The following RIPOR1 variants were observed in gnomAD, a reference collection of about 807,000 sequenced individuals.
The protein encoded by RIPOR1 is rho family-interacting cell polarization regulator 1.
RIPOR1 carries 58 observed loss-of-function variants against 116.5 expected under a neutral mutation model. That is an observed-to-expected ratio of 0.50 (90% CI 0.40 to 0.62). The LOEUF is 0.62. Ranked by LOEUF, RIPOR1 falls within the 20% of genes least tolerant of loss-of-function variation. RIPOR1 has a pLI of 0.00. For missense variants in RIPOR1, 1,372 were observed against 1,586.2 expected (o/e 0.86, Z 2.29); for synonymous variants, 605 against 650.0 (o/e 0.93, Z 1.05).
Position 67,529,525 on chromosome 16 carries a change from C to G in RIPOR1, c.-24+611C>G, listed in dbSNP as rs1048179605. On this transcript the variant is annotated intron_variant, in intron 1 of 21. Transcript: ENST00000042381. This position sits in a 1 kb window ranked among gnomAD's most constrained non-coding sequence, Gnocchi z 4.1. ...GGAAATGGAGGTTGGCGCAAGGTTC[C>G]TGCAACAGCCGGGCCTGGGCTCTCT... is the stretch of plus-strand genomic sequence containing the variant. 2 of 433,742 alleles carry G rather than the reference C, an allele frequency of 4.6e-6. No homozygotes were observed. Among genetic ancestry groups the G allele is most frequent in the Non-Finnish European group, 8.2e-6 (2 of 243,000 alleles). 26.9% of individuals were successfully genotyped at this position (433,742 alleles called of 1,614,324 possible). A position where few individuals can be genotyped will look rare whatever the true frequency, so the allele number is the denominator to read the frequency against.
chr16:67,545,159 C>T lies in RIPOR1; in HGVS notation c.3031+42C>T. 4 of 1,600,624 alleles carry T rather than the reference C, an allele frequency of 2.5e-6. No homozygotes were observed. The highest frequency in any genetic ancestry group is 3.4e-6 in the Non-Finnish European group (4 of 1,174,420). On this transcript the variant is annotated intron_variant, in intron 17 of 21. Transcript: ENST00000042381. This position sits in a 1 kb window ranked among gnomAD's most constrained non-coding sequence, Gnocchi z 4.8. The stretch of plus-strand genomic sequence containing the variant: ...CTCCTTCCACCCTTGCTCAGATTCC[C>T]AGTGACAGGAAGCTCGGGGAAGCCA...
At chr16:67,528,293 A>T (rs1567560093), upstream of RIPOR1, 1 of 152,256 alleles carries the variant, frequency 6.6e-6, no homozygotes, top group East Asian at 1.9e-4. Context: ...GGAATGCATG[A>T]CCCGGCTATG....
rs371441956 is a variant in RIPOR1 at position 67,539,077 on chromosome 16, C to T, written c.336+9C>T. 7 of 1,610,392 alleles carry T rather than the reference C, an allele frequency of 4.3e-6. No homozygotes were observed. Among genetic ancestry groups the T allele is most frequent in the Non-Finnish European group, 5.9e-6 (7 of 1,178,742 alleles). On this transcript the variant is annotated intron_variant, in intron 4 of 21. Transcript: ENST00000042381. Reference sequence around the variant, plus strand: ...AGAGGAATTCCCGCTTGGTGAGTGGCGGGAGGTACGGATGCCCTTTGCCTC... The same window carrying T: ...AGAGGAATTCCCGCTTGGTGAGTGGTGGGAGGTACGGATGCCCTTTGCCTC...
Position 67,539,881 on chromosome 16 carries a change from G to T in RIPOR1, c.396G>T (p.Leu132=), listed in dbSNP as rs1342473736. Reference sequence around the variant, plus strand: ...CCATTGAACGCTTCCTGCGACGACTGGAGTTCCATGCCAGCAAGGTACGAG... The same window carrying T: ...CCATTGAACGCTTCCTGCGACGACTTGAGTTCCATGCCAGCAAGGTACGAG... The part of the protein sequence containing the change: ...VKSIERFLRR[L]EFHASKIDEL... The change falls in exon 6 of 22, where the codon CTG becomes CTT. Residue 132 remains leucine (L), a synonymous_variant. Coordinates refer to ENST00000042381, the MANE Select transcript of RIPOR1 (RefSeq NM_024519.4). The T allele has an allele frequency of 4.3e-6, 7 of 1,614,074 alleles. No individual in the cohort carries two copies. The highest frequency in any genetic ancestry group is 4.2e-6 in the Non-Finnish European group (5 of 1,180,034).
At chr16:67,535,637 T>A (rs145456433) in intron 1 of RIPOR1, among the ~76,000 whole-genome samples, 1 of 152,258 alleles carries the variant, frequency 6.6e-6, no homozygotes, top group African/African-American at 2.4e-5. Context: ...AGGTTGCCAC[T>A]CAGTGAATAG....
At chr16:67,539,293 G>T in intron 4 of RIPOR1, 2 of 553,536 alleles carry the variant, frequency 3.6e-6, no homozygotes, top group Non-Finnish European at 3.2e-6. Context: ...AGTGGGGTAG[G>T]TGGGACCCCT....
Position 67,540,075 on chromosome 16 carries a change from A to G in RIPOR1, c.437A>G (p.Tyr146Cys). The G allele has an allele frequency of 6.2e-7, 1 of 1,614,136 alleles. No individual in the cohort carries two copies. Among genetic ancestry groups the G allele is most frequent in the Non-Finnish European group, 8.5e-7 (1 of 1,180,014 alleles). ...CAGATCGATGAGCTGTATGAGGCAT[A>G]CTGTGTCCAGCGGCGTCTCCGGGAT... ...ASKIDELYEAYCVQRRLRDGA... is the reference protein window; with the variant it reads ...ASKIDELYEACCVQRRLRDGA... The change falls in exon 7 of 22, where the codon TAC becomes TGC. Residue 146 changes from tyrosine to cysteine, a missense_variant. Physicochemically the swap from Tyr to Cys is radical, Grantham distance 194 (BLOSUM62 -2). Transcript: ENST00000042381. This position sits in a 1 kb window ranked among gnomAD's most constrained non-coding sequence, Gnocchi z 4.7.
Position 67,541,264 on chromosome 16 carries a change from C to A in RIPOR1, c.802-166C>A, listed in dbSNP as rs879063493. On this transcript the variant is annotated intron_variant, in intron 10 of 21. Transcript: ENST00000042381. The surrounding 1 kb of genome is among the most constrained non-coding windows in gnomAD (Gnocchi z 4.6). ...TTTTTTTTTTTTTTTGAGACAGAGT[C>A]TTGCCATGTTGCCCAAGCTGGTCTT... is the stretch of plus-strand genomic sequence containing the variant. 9.0e-6 allele frequency: 5 copies of A among 555,126 alleles called. No homozygotes were observed. The highest frequency in any genetic ancestry group is 9.2e-6 in the Non-Finnish European group (3 of 326,090). The allele number at this position is 555,126 out of a possible 1,614,324, so 34.4% of individuals were successfully genotyped here. A position where few individuals can be genotyped will look rare whatever the true frequency, so the allele number is the denominator to read the frequency against.
rs1292563820 is a variant in RIPOR1, at chr16:67,530,970, C to CGGT, written c.-24+2057_-24+2059dup. On this transcript the variant is annotated intron_variant, in intron 1 of 21. Transcript: ENST00000042381. The surrounding 1 kb of genome is among the most constrained non-coding windows in gnomAD (Gnocchi z 4.5). ...AATCTTGCCCGCCCATCTCCCGAAG[C>CGGT]GGTCACTCAGATGGACATTATGATG... Among the ~76,000 whole-genome samples the CGGT allele has an allele frequency of 6.6e-6, 1 of 152,156 alleles. No homozygotes were observed. The highest frequency in any genetic ancestry group is 1.5e-5 in the Non-Finnish European group (1 of 68,022).
chr16:67,545,424 G>A lies in RIPOR1; in HGVS notation c.3080G>A (p.Arg1027Lys), dbSNP rs753854878. The A allele has an allele frequency of 1.9e-6, 3 of 1,614,008 alleles. No homozygotes were observed. The highest frequency in any genetic ancestry group is 1.7e-5 in the Admixed American group (1 of 60,026). ...EDALGQKLPR[R>K]PQPGPGEQLT... ...GCCCTGGGGCAGAAGCTGCCCAGAA[G>A]GCCCCAGCCAGGGCCTGGAGAGCAG... is the stretch of plus-strand genomic sequence containing the variant. The change falls in exon 18 of 22, where the codon AGG becomes AAG. Residue 1027 changes from arginine to lysine, a missense_variant. Arg to Lys is a conservative substitution (Grantham distance 26). Transcript: ENST00000042381. This position sits in a 1 kb window ranked among gnomAD's most constrained non-coding sequence, Gnocchi z 4.8.
chr16:67,530,971 G>A lies in RIPOR1; in HGVS notation c.-24+2057G>A, dbSNP rs539792168. ...ATCTTGCCCGCCCATCTCCCGAAGCGGTCACTCAGATGGACATTATGATGG... is the reference window on the plus strand; with the variant it reads ...ATCTTGCCCGCCCATCTCCCGAAGCAGTCACTCAGATGGACATTATGATGG... On this transcript the variant is annotated intron_variant, in intron 1 of 21. Coordinates refer to ENST00000042381, the MANE Select transcript of RIPOR1 (RefSeq NM_024519.4). This position sits in a 1 kb window ranked among gnomAD's most constrained non-coding sequence, Gnocchi z 4.5. 2.0e-4 allele frequency among the ~76,000 whole-genome samples: 31 copies of A among 152,222 alleles called. No individual in the cohort carries two copies. The highest frequency in any genetic ancestry group is 6.5e-4 in the African/African-American group (27 of 41,526).
At chr16:67,522,492 G>A (rs898809784) in intron 1 of RIPOR1, among the ~76,000 whole-genome samples, 6 of 151,492 alleles carry the variant, frequency 4.0e-5, no homozygotes, top group Admixed American at 2.6e-4. Context: ...GTGAGCCACC[G>A]CGCCTGGCCA....
chr16:67,519,785 A>C (rs971528152), intron 1 of RIPOR1, among the ~76,000 whole-genome samples: 2 of 152,094 alleles, frequency 1.3e-5, no homozygotes, highest in Non-Finnish European at 2.9e-5. Flanking sequence ...GGCTCTGGCC[A>C]GTGCGGTGGC....
At chr16:67,539,370 C>T (rs2142525749) in intron 4 of RIPOR1, 1 of 520,292 alleles carries the variant, frequency 1.9e-6, no homozygotes, top group East Asian at 3.4e-5. Flanking sequence ...CATGGTGCTT[C>T]TTGGGAAGAG....
At chr16:67,526,805 C>T (rs2050543246), upstream of RIPOR1, among the ~76,000 whole-genome samples, 1 of 152,166 alleles carries the variant, frequency 6.6e-6, no homozygotes, top group African/African-American at 2.4e-5. Context: ...TCAGAAGATG[C>T]CTGGCTGAGA....
rs2051137579 is a variant in RIPOR1, at chr16:67,545,603, AC to A, written c.3191-59del. On this transcript the variant is annotated intron_variant, in intron 18 of 21. Transcript: ENST00000042381. The surrounding 1 kb of genome is among the most constrained non-coding windows in gnomAD (Gnocchi z 4.8). ...AGGACATGAGGACAAGCCCTCCCCA[AC>A]CTCGGGGGCTCCTCACCCTGCCACC... The A allele has an allele frequency of 1.3e-6, 2 of 1,586,220 alleles. No homozygotes were observed. Among genetic ancestry groups the A allele is most frequent in the Non-Finnish European group, 1.7e-6 (2 of 1,162,824 alleles).
chr16:67,530,718 G>T lies in RIPOR1; in HGVS notation c.-24+1804G>T, dbSNP rs2050640231. Among the ~76,000 whole-genome samples, 1 of 152,166 alleles carries T rather than the reference G, an allele frequency of 6.6e-6. No individual in the cohort carries two copies. The highest frequency in any genetic ancestry group is 2.4e-5 in the African/African-American group (1 of 41,438). On this transcript the variant is annotated intron_variant, in intron 1 of 21. Transcript: ENST00000042381. The surrounding 1 kb of genome is among the most constrained non-coding windows in gnomAD (Gnocchi z 4.5). ...GATCTGGGGCCATGCGGACAGGTCAGGGCTCCTCCACTCACGGCCATCCTG... is the reference window on the plus strand; with the variant it reads ...GATCTGGGGCCATGCGGACAGGTCATGGCTCCTCCACTCACGGCCATCCTG...
intron 1 of RIPOR1, among the ~76,000 whole-genome samples, chr16:67,533,270 G>A (rs973368254): frequency 2.6e-5 from 4 of 152,156 alleles, no homozygotes; most frequent in African/African-American, 9.7e-5. Flanking sequence ...GCTGCATCTG[G>A]GGAGGCAGCA....
In RIPOR1 at chr16:67,545,656, T is replaced by C. The variant is rs372480606; in HGVS notation, c.3191-8T>C. The stretch of plus-strand genomic sequence containing the variant: ...TGCCCACCCACCCACCATATCCCCT[T>C]TTTTCAGTGCTACTGGTGCGGAATC... On this transcript the variant is annotated splice_polypyrimidine_tract_variant and splice_region_variant and intron_variant, in intron 18 of 21. Transcript: ENST00000042381. This position sits in a 1 kb window ranked among gnomAD's most constrained non-coding sequence, Gnocchi z 4.8. 22 of 1,567,298 alleles carry C rather than the reference T, an allele frequency of 1.4e-5. No homozygotes were observed. Among genetic ancestry groups the C allele is most frequent in the Admixed American group, 1.8e-5 (1 of 54,920 alleles).
Sources: allele counts gnomAD v4.1 joint callset (sites outside exome capture counted in the v4.1 genomes callset), GRCh38; gene constraint gnomAD v4.1.1; non-coding constraint Gnocchi (gnomAD v3.1); transcripts MANE v1.5; gene names NCBI Gene and HGNC (gene_info 2026-07-23, HGNC 2026-07-21).